The following ZBTB38 variants were observed in gnomAD, a reference collection of about 807,000 sequenced individuals.
ZBTB38 encodes zinc finger and BTB domain-containing protein 38.
In ZBTB38, 20 loss-of-function variants were observed where a neutral mutation model predicts 76.8. The observed-to-expected ratio is 0.26, with a 90% CI of 0.18 to 0.38. The LOEUF is 0.38. Among genes scored for constraint, ZBTB38 ranks in the 10% least tolerant of loss-of-function variants. The pLI, the probability that ZBTB38 is intolerant of heterozygous loss-of-function variation, is 1.00. For missense variants in ZBTB38, 1,082 were observed against 1,482.3 expected (o/e 0.73, Z 4.43); for synonymous variants, 504 against 544.2 (o/e 0.93, Z 1.03).
chr3:141,445,579 A>G lies in ZBTB38; in HGVS notation c.3191A>G (p.Lys1064Arg). ...CATGAACGCATCCACCTGGGCTTGAAGGAGTTCGTCTGTCAGTATTGCAAC... is the reference window on the plus strand; with the variant it reads ...CATGAACGCATCCACCTGGGCTTGAGGGAGTTCGTCTGTCAGTATTGCAAC... ...QKHERIHLGL[K>R]EFVCQYCNKA... Residue 1064 changes from lysine (K) to arginine (R), a missense_variant, in exon 6 of 6, where the codon AAG becomes AGG. Lys to Arg is a conservative substitution (Grantham distance 26). Coordinates refer to ENST00000321464, the MANE Select transcript of ZBTB38 (RefSeq NM_001376113.1). This position sits in a 1 kb window ranked among gnomAD's most constrained non-coding sequence, Gnocchi z 6.5. 1 of 1,614,236 alleles carries G rather than the reference A, an allele frequency of 6.2e-7. No homozygotes were observed. Among genetic ancestry groups the G allele is most frequent in the South Asian group, 1.1e-5 (1 of 91,090 alleles).
intron 5 of ZBTB38, among the ~76,000 whole-genome samples, chr3:141,407,382 G>T: frequency 6.6e-6 from 1 of 152,140 alleles, no homozygotes; most frequent in East Asian, 1.9e-4. Context: ...AACTCATATA[G>T]GATTATTTGG....
intron 4 of ZBTB38, among the ~76,000 whole-genome samples, chr3:141,392,523 G>A (rs180732976): frequency 1.3e-5 from 2 of 152,258 alleles, no homozygotes; most frequent in Non-Finnish European, 2.9e-5. Flanking sequence ...CTTTTATACT[G>A]TTCGCTAGAG....
upstream of ZBTB38, among the ~76,000 whole-genome samples, chr3:141,364,676 TAAAAAAAAAAAAAAAAAA>T (rs59398877): frequency 2.3e-4 from 10 of 43,440 alleles, no homozygotes; most frequent in African/African-American, 2.9e-4. Flanking sequence ...AAACTACATC[TAAAAAAAAAAAAAAAAAA>T]AAAAAAAAAA....
Position 141,328,828 on chromosome 3 carries a change from G to A in ZBTB38, c.-739+4372G>A, listed in dbSNP as rs146746287. ...CTCATCTCCTTTCATGTTCCCAAACGCACCTTCTGCTCCCACCAAACTACT... is the reference window on the plus strand; with the variant it reads ...CTCATCTCCTTTCATGTTCCCAAACACACCTTCTGCTCCCACCAAACTACT... On this transcript the variant is annotated intron_variant, in intron 1 of 7. Coordinates refer to the ZBTB38 transcript ENST00000509842. 1.1e-3 allele frequency among the ~76,000 whole-genome samples: 169 copies of A among 152,022 alleles called. 4 individuals carry two copies. In the East Asian group the frequency reaches 0.024, roughly 22 times the overall value.
intron 1 of ZBTB38, among the ~76,000 whole-genome samples, chr3:141,334,226 G>GAA (rs11368864): frequency 1.6e-3 from 228 of 146,326 alleles, no homozygotes; most frequent in Middle Eastern, 3.6e-3. Context: ...GTATTTAAAA[G>GAA]AAAAAAAAAA....
chr3:141,444,710 T>G lies in ZBTB38; in HGVS notation c.2322T>G (p.Ile774Met). 6.2e-7 allele frequency: 1 copy of G among 1,613,808 alleles called. No individual in the cohort carries two copies. The highest frequency in any genetic ancestry group is 8.5e-7 in the Non-Finnish European group (1 of 1,179,942). ...VGRFASRPKS[I>M]KEKKKTTSHT... is the part of the protein sequence containing the mutation. ...GGTTTGCAAGCAGACCCAAAAGCATTAAGGAGAAAAAGAAAACTACATCAC... is the reference window on the plus strand; with the variant it reads ...GGTTTGCAAGCAGACCCAAAAGCATGAAGGAGAAAAAGAAAACTACATCAC... The change falls in exon 6 of 6, where the codon ATT becomes ATG. Residue 774 changes from isoleucine (I) to methionine (M), a missense_variant. Coordinates refer to ENST00000321464, the MANE Select transcript of ZBTB38 (RefSeq NM_001376113.1). The surrounding 1 kb of genome is among the most constrained non-coding windows in gnomAD (Gnocchi z 5.1).
At chr3:141,358,705 C>T (rs757497578) in intron 1 of ZBTB38, among the ~76,000 whole-genome samples, 17 of 152,144 alleles carry the variant, frequency 1.1e-4, no homozygotes, top group Non-Finnish European at 1.9e-4. Context: ...ACCTTGTACC[C>T]TTTGGCTGTC....
rs572048287 is a variant in ZBTB38 at position 141,371,455 on chromosome 3, C to T, written c.-235+1509C>T. ...GCAGCCTCAACTTCTCAGGCTCAAG[C>T]GATCCTCCCAAGTAGCTGAGACTAC... is the stretch of plus-strand genomic sequence containing the variant. On this transcript the variant is annotated intron_variant, in intron 2 of 5. Coordinates refer to ENST00000321464, the MANE Select transcript of ZBTB38 (RefSeq NM_001376113.1). 2.5e-4 allele frequency among the ~76,000 whole-genome samples: 38 copies of T among 151,978 alleles called. No homozygotes were observed. In the East Asian group the frequency reaches 7.4e-3, roughly 29 times the overall value.
chr3:141,430,569 T>C (rs2077274609), intron 5 of ZBTB38, among the ~76,000 whole-genome samples: 1 of 152,188 alleles, frequency 6.6e-6, no homozygotes, highest in South Asian at 2.1e-4. Flanking sequence ...CACTGCCCAG[T>C]TTCTGATTTA....
chr3:141,429,985 T>C (rs546285087), intron 5 of ZBTB38, among the ~76,000 whole-genome samples: 30 of 152,324 alleles, frequency 2.0e-4, no homozygotes, highest in Admixed American at 3.9e-4. Context: ...TATCCTAAGA[T>C]CAGGGGAAGT....
At chr3:141,329,846 T>C (rs1252155215) in intron 1 of ZBTB38, among the ~76,000 whole-genome samples, 9 of 151,918 alleles carry the variant, frequency 5.9e-5, no homozygotes, top group African/African-American at 2.2e-4. Flanking sequence ...TAATGAAGGG[T>C]GGTGAGGCAC....
chr3:141,329,539 C>T (rs541860678), intron 1 of ZBTB38, among the ~76,000 whole-genome samples: 7 of 152,132 alleles, frequency 4.6e-5, no homozygotes, highest in East Asian at 3.9e-4. Context: ...TAACAATCAA[C>T]GTATATAAGC....
chr3:141,359,635 A>G (rs1169890985), intron 1 of ZBTB38, among the ~76,000 whole-genome samples: 1 of 152,244 alleles, frequency 6.6e-6, no homozygotes, highest in Non-Finnish European at 1.5e-5. Flanking sequence ...ACAGTAATCA[A>G]TAAAAAGATA....
intron 3 of ZBTB38, among the ~76,000 whole-genome samples, chr3:141,385,130 A>T (rs1369293288): frequency 1.3e-5 from 2 of 152,216 alleles, no homozygotes; most frequent in Non-Finnish European, 2.9e-5. Context: ...GCCAGTCCTT[A>T]CAGAAGATTG....
intron 2 of ZBTB38, among the ~76,000 whole-genome samples, chr3:141,371,041 C>CTTTTTTTTTTTTTTTTTTTT (rs1944488920): frequency 1.3e-5 from 1 of 75,458 alleles, no homozygotes; most frequent in African/African-American, 6.6e-5. Flanking sequence ...TCTTTTCTTT[C>CTTTTTTTTTTTTTTTTTTTT]TTTCTTTTTT....
chr3:141,331,039 T>G (rs1942833606), intron 1 of ZBTB38, among the ~76,000 whole-genome samples: 1 of 152,266 alleles, frequency 6.6e-6, no homozygotes, highest in Non-Finnish European at 1.5e-5. Flanking sequence ...CTCCAGATCC[T>G]TATAATGATC....
intron 4 of ZBTB38, among the ~76,000 whole-genome samples, chr3:141,397,729 C>T (rs1405701843): frequency 2.0e-5 from 3 of 152,104 alleles, no homozygotes; most frequent in African/African-American, 7.2e-5. Flanking sequence ...AGGGAATGGC[C>T]AGTCAGTGGA....
chr3:141,326,007 T>C (rs1376161091), intron 1 of ZBTB38, among the ~76,000 whole-genome samples: 1 of 152,202 alleles, frequency 6.6e-6, no homozygotes, highest in Admixed American at 6.5e-5. Context: ...CCATTTAACA[T>C]GTTTTTTCTT....
rs532655800 is a variant in ZBTB38, at chr3:141,345,435, A to G, written c.-739+20979A>G. ...TGAGCTCTGGCCCATGGTGGTGTAT[A>G]CATGGGGGCATGAAGAAATGAGGGC... On this transcript the variant is annotated intron_variant, in intron 1 of 7. Transcript: ENST00000509842. Among the ~76,000 whole-genome samples, 24 of 152,302 alleles carry G rather than the reference A, an allele frequency of 1.6e-4. 1 individual carries two copies. The highest frequency in any genetic ancestry group is 1.4e-3 in the Admixed American group (21 of 15,304).
Sources: gnomAD v4.1 joint callset for allele counts (sites outside exome capture counted in the v4.1 genomes callset) on GRCh38, gnomAD v4.1.1 for gene constraint, Gnocchi (gnomAD v3.1) non-coding constraint, MANE v1.5 for transcripts, NCBI Gene and HGNC (gene_info 2026-07-23, HGNC 2026-07-21) for gene names.